The following NUBPL variants were observed in gnomAD, a reference collection of about 807,000 sequenced individuals.
NUBPL encodes iron-sulfur cluster transfer protein NUBPL.
In NUBPL, 31 loss-of-function variants were observed where a neutral mutation model predicts 45.7. The ratio of observed to expected loss-of-function variants is 0.68; its 90% CI spans 0.51 to 0.92. The LOEUF (loss-of-function observed/expected upper bound fraction) is 0.92. NUBPL is among the 40% of genes least tolerant of loss of function. The pLI is 0.00. For missense variants in NUBPL, 401 were observed against 398.7 expected, an observed-to-expected ratio of 1.01 and a Z score of -0.05; for synonymous variants, 144 against 140.9, an observed-to-expected ratio of 1.02 and a Z score of -0.15.
At chr14:31,777,700 C>T (rs888949342) in intron 6 of NUBPL, among the ~76,000 whole-genome samples, 2 of 152,110 alleles carry the variant, frequency 1.3e-5, no homozygotes, top group Non-Finnish European at 2.9e-5. Context: ...TGAAGGTGTC[C>T]CTTTCAGAGA....
At chr14:31,740,685 A>G (rs903981539) in intron 6 of NUBPL, among the ~76,000 whole-genome samples, 30 of 152,284 alleles carry the variant, frequency 2.0e-4, no homozygotes, top group African/African-American at 6.7e-4. Flanking sequence ...ACGTTCTCTC[A>G]TTTGGTGCTA....
chr14:31,816,935 G>A (rs1445111210), intron 7 of NUBPL, among the ~76,000 whole-genome samples: 1 of 151,806 alleles, frequency 6.6e-6, no homozygotes, highest in Non-Finnish European at 1.5e-5. Flanking sequence ...TTGCTCAGGA[G>A]TGTTTTACTT....
intron 4 of NUBPL, among the ~76,000 whole-genome samples, chr14:31,664,667 GT>G (rs2139780805): frequency 6.6e-6 from 1 of 152,334 alleles, no homozygotes; most frequent in Admixed American, 6.5e-5. Flanking sequence ...TCACATCGAT[GT>G]TCATCAGGGA....
intron 8 of NUBPL, 110 bp downstream of exon 8, chr14:31,826,824 A>G (rs2040113607): frequency 1.1e-6 from 1 of 949,924 alleles, no homozygotes; most frequent in African/African-American, 1.6e-5. Flanking sequence ...AGAAGTCTTT[A>G]TGAAAGTCCT....
chr14:31,720,022 T>C (rs1206145420), intron 6 of NUBPL, among the ~76,000 whole-genome samples: 1 of 152,210 alleles, frequency 6.6e-6, no homozygotes, highest in Non-Finnish European at 1.5e-5. Context: ...TTTACTTACA[T>C]ACAACATTGA....
At chr14:31,593,120 TTTATA>T (rs938068034) in intron 3 of NUBPL, among the ~76,000 whole-genome samples, 3 of 152,128 alleles carry the variant, frequency 2.0e-5, no homozygotes. Context: ...TTACATAAAA[TTTATA>T]TTATATTTGG....
At chr14:31,732,550 G>A (rs2038073726) in intron 6 of NUBPL, among the ~76,000 whole-genome samples, 1 of 149,476 alleles carries the variant, frequency 6.7e-6, no homozygotes, top group Non-Finnish European at 1.5e-5. Flanking sequence ...CTTTAAAATT[G>A]TGTCATTTCA....
At chr14:31,569,139 A>G (rs2033514192) in intron 3 of NUBPL, among the ~76,000 whole-genome samples, 3 of 152,092 alleles carry the variant, frequency 2.0e-5, no homozygotes, top group Non-Finnish European at 4.4e-5. Context: ...TCTGGGCTGG[A>G]CCATATGCCT....
At chr14:31,715,587 C>CA (rs1175092599) in intron 6 of NUBPL, among the ~76,000 whole-genome samples, 5 of 152,106 alleles carry the variant, frequency 3.3e-5, no homozygotes, top group African/African-American at 1.2e-4. Flanking sequence ...TGTATCTGAA[C>CA]ATACCTAAAC....
At chr14:31,592,118 A>C (rs188366464) in intron 3 of NUBPL, among the ~76,000 whole-genome samples, 2 of 152,312 alleles carry the variant, frequency 1.3e-5, no homozygotes, top group East Asian at 3.9e-4. Flanking sequence ...GAAGAAAATG[A>C]GAGTAGACTG....
intron 7 of NUBPL, among the ~76,000 whole-genome samples, chr14:31,809,271 A>G (rs1197271470): frequency 2.0e-5 from 3 of 152,148 alleles, no homozygotes; most frequent in South Asian, 2.1e-4. Flanking sequence ...TTGGTAGGCT[A>G]TTAATTATTG....
intron 6 of NUBPL, among the ~76,000 whole-genome samples, chr14:31,729,287 C>T (rs912558183): frequency 6.9e-6 from 1 of 145,788 alleles, no homozygotes; most frequent in Admixed American, 6.8e-5. Context: ...CCCCCCCCCC[C>T]CAAAAAAAAA....
intron 7 of NUBPL, among the ~76,000 whole-genome samples, chr14:31,790,247 T>G (rs1275511983): frequency 6.6e-6 from 1 of 152,236 alleles, no homozygotes; most frequent in Admixed American, 6.5e-5. Flanking sequence ...TTACCCTATT[T>G]TAGTTTGTAT....
intron 3 of NUBPL, among the ~76,000 whole-genome samples, chr14:31,580,334 A>G (rs537103427): frequency 2.0e-5 from 3 of 152,304 alleles, no homozygotes; most frequent in African/African-American, 7.2e-5. Context: ...GTAGAAAGTG[A>G]TGGGAGGTCT....
intron 3 of NUBPL, among the ~76,000 whole-genome samples, chr14:31,577,758 T>C (rs1566424248): frequency 6.6e-6 from 1 of 152,212 alleles, no homozygotes; most frequent in Admixed American, 6.5e-5. Flanking sequence ...TTTTGCACTC[T>C]GTACTTGATG....
At chr14:31,696,728 G>T (rs1288518562) in intron 6 of NUBPL, among the ~76,000 whole-genome samples, 1 of 152,152 alleles carries the variant, frequency 6.6e-6, no homozygotes, top group Non-Finnish European at 1.5e-5. Context: ...CCCTGATTCT[G>T]TCCATTCATA....
intron 4 of NUBPL, among the ~76,000 whole-genome samples, chr14:31,622,482 C>G (rs1321164495): frequency 2.0e-5 from 3 of 151,874 alleles, no homozygotes; most frequent in African/African-American, 7.3e-5. Context: ...CAGGGATCTT[C>G]ATGGCAGCCC....
intron 3 of NUBPL, among the ~76,000 whole-genome samples, chr14:31,593,106 C>T (rs1027480305): frequency 1.3e-5 from 2 of 151,976 alleles, no homozygotes; most frequent in African/African-American, 2.4e-5. Flanking sequence ...AGTATAATAA[C>T]AATTTACATA....
At chr14:31,706,288 G>A (rs1171919812) in intron 6 of NUBPL, among the ~76,000 whole-genome samples, 1 of 152,236 alleles carries the variant, frequency 6.6e-6, no homozygotes, top group Non-Finnish European at 1.5e-5. Context: ...CTTTAGGCCA[G>A]TGGAAGGGCC....
Sources: gnomAD v4.1 joint callset for allele counts (sites outside exome capture counted in the v4.1 genomes callset) on GRCh38, gnomAD v4.1.1 for gene constraint, MANE v1.5 for transcripts, NCBI Gene and HGNC (gene_info 2026-07-23, HGNC 2026-07-21) for gene names.